The following LAMB4 variants were observed in gnomAD, a reference collection of about 807,000 sequenced individuals.
The protein encoded by LAMB4 is laminin subunit beta-4.
A neutral mutation model predicts 199.2 loss-of-function variants in LAMB4; 196 were observed. That is an observed-to-expected ratio of 0.98 (90% CI 0.88 to 1.11). The LOEUF is 1.11. Ranked by LOEUF, LAMB4 falls within the 50% of genes least tolerant of loss-of-function variation. The pLI is 0.00. For synonymous variants in LAMB4, 744 were observed against 770.6 expected (o/e 0.97, Z 0.57); for missense variants, 2,080 against 2,171.2 (o/e 0.96, Z 0.83).
intron 26 of LAMB4, among the ~76,000 whole-genome samples, chr7:108,050,710 A>G (rs1244517005): frequency 6.6e-6 from 1 of 152,190 alleles, no homozygotes; most frequent in Non-Finnish European, 1.5e-5. Flanking sequence ...CTCTTAATGT[A>G]TCATGCTTTT....
chr7:108,109,242 G>T lies in LAMB4; in HGVS notation c.331C>A (p.Leu111Ile), dbSNP rs750320295. 1.2e-6 allele frequency: 2 copies of T among 1,610,626 alleles called. No individual in the cohort carries two copies. Among genetic ancestry groups the T allele is most frequent in the Non-Finnish European group, 8.5e-7 (1 of 1,177,434 alleles). Residue 111 changes from leucine (L) to isoleucine (I), a missense_variant and splice_region_variant, in exon 5 of 34, where the codon CTT (leucine) becomes ATT (isoleucine). Physicochemically the swap from Leu to Ile is conservative, Grantham distance 5 (BLOSUM62 2). Coordinates refer to ENST00000388781, the MANE Select transcript of LAMB4 (RefSeq NM_007356.3). ...TCCAGTCTGATGCTGACATGATCAA[G>T]ACCTAAGGAAGAATCCAGAAAGAAG... ...EKKWWQSENG[L>I]DHVSIRLDLE...
intron 14 of LAMB4, 31 bp from the exon 15 acceptor site, chr7:108,079,817 G>C: frequency 2.0e-6 from 3 of 1,522,148 alleles, no homozygotes; most frequent in Non-Finnish European, 2.6e-6. Context: ...AAATAGCTTT[G>C]CCTACAGTCA....
chr7:108,105,682 G>T, intron 8 of LAMB4, 135 bp downstream of exon 8: 1 of 741,960 alleles, frequency 1.3e-6, no homozygotes, highest in Non-Finnish European at 2.3e-6. Context: ...AGGATAGGTT[G>T]AATGGTACCC....
chr7:108,063,846 A>T lies in LAMB4; in HGVS notation c.2976T>A (p.Leu992=). 2 of 1,614,206 alleles carry T rather than the reference A, an allele frequency of 1.2e-6. No individual in the cohort carries two copies. Residue 992 remains leucine, a synonymous_variant, in exon 22 of 34, where the codon CTT becomes CTA. Transcript: ENST00000388781. ...ESCSRVTGEC[L]RCLHNTQGAN... is the part of the protein sequence containing the mutation. ...CGCCCTGAGTGTTGTGCAAACATCG[A>T]AGGCACTCCCCTGTTACCCGGCTGC...
chr7:108,091,513 G>T, intron 14 of LAMB4, 113 bp downstream of exon 14: 3 of 1,214,010 alleles, frequency 2.5e-6, no homozygotes, highest in Non-Finnish European at 2.3e-6. Context: ...CTGCATCTTT[G>T]GGCAAAAGCA....
chr7:108,064,584 G>A (rs2036272037), intron 21 of LAMB4, among the ~76,000 whole-genome samples: 1 of 152,152 alleles, frequency 6.6e-6, no homozygotes, highest in Non-Finnish European at 1.5e-5. Context: ...CCAAACTGTG[G>A]CTCCACTCTC....
chr7:108,052,006 G>T, intron 26 of LAMB4, 91 bp downstream of exon 26: 1 of 977,920 alleles, frequency 1.0e-6, no homozygotes. Context: ...AGGCACTATG[G>T]TGGTAAGCAG....
At chr7:108,063,086 C>A in intron 22 of LAMB4, 92 bp from the exon 23 acceptor site, 1 of 714,674 alleles carries the variant, frequency 1.4e-6, no homozygotes, top group African/African-American at 1.8e-5. Context: ...CTGGATGTAT[C>A]ATTTCTCCAA....
chr7:108,104,678 T>A, intron 8 of LAMB4, 59 bp from the exon 9 acceptor site: 1 of 1,581,606 alleles, frequency 6.3e-7, no homozygotes, highest in East Asian at 2.3e-5. Flanking sequence ...ACGTTGGGGT[T>A]CTTTAAATGG....
At chr7:108,032,897 T>C (rs2035090435) in intron 31 of LAMB4, among the ~76,000 whole-genome samples, 1 of 152,218 alleles carries the variant, frequency 6.6e-6, no homozygotes, top group Admixed American at 6.5e-5. Context: ...TGCTGCCTGC[T>C]GTCAAGTTAG....
chr7:108,097,335 C>T (rs915806834), intron 11 of LAMB4, among the ~76,000 whole-genome samples: 1 of 152,188 alleles, frequency 6.6e-6, no homozygotes, highest in African/African-American at 2.4e-5. Flanking sequence ...GATCCTATAG[C>T]TAAGGGTCTG....
chr7:108,043,899 G>C lies in LAMB4; in HGVS notation c.4327-3C>G. 1 of 1,592,812 alleles carries C rather than the reference G, an allele frequency of 6.3e-7. No homozygotes were observed. The highest frequency in any genetic ancestry group is 2.3e-5 in the East Asian group (1 of 43,874). Reference sequence around the variant, plus strand: ...GCCTGTTCACTTATACTTTCGATCTGGAATGAGAAAAACACAATGAAGAAT... The same window carrying C: ...GCCTGTTCACTTATACTTTCGATCTCGAATGAGAAAAACACAATGAAGAAT... On this transcript the variant is annotated splice_region_variant and splice_polypyrimidine_tract_variant and intron_variant, in intron 28 of 33. Transcript: ENST00000388781.
chr7:108,043,814 T>C lies in LAMB4; in HGVS notation c.4409A>G (p.Gln1470Arg), dbSNP rs773517351. 1.5e-5 allele frequency: 24 copies of C among 1,608,036 alleles called. No homozygotes were observed. Among genetic ancestry groups the C allele is most frequent in the Non-Finnish European group, 1.8e-5 (21 of 1,176,010 alleles). The change falls in exon 29 of 34, where the codon CAA (glutamine) becomes CGA (arginine). Residue 1470 changes from glutamine to arginine, a missense_variant. By Grantham distance (43) the Gln-to-Arg change is conservative. Coordinates refer to ENST00000388781, the MANE Select transcript of LAMB4 (RefSeq NM_007356.3). ...LREKLGNIRNQSDSEEENINL... is the reference protein window; with the variant it reads ...LREKLGNIRNRSDSEEENINL... Reference sequence around the variant, plus strand: ...GATGTTTTCTTCTTCAGAGTCACTTTGGTTTCTTATATTTCCCAGTTTTTC... The same window carrying C: ...GATGTTTTCTTCTTCAGAGTCACTTCGGTTTCTTATATTTCCCAGTTTTTC...
intron 31 of LAMB4, 123 bp from the exon 32 acceptor site, chr7:108,031,102 T>G (rs2035014097): frequency 1.6e-6 from 1 of 621,526 alleles, no homozygotes; most frequent in Non-Finnish European, 2.7e-6. Context: ...GTGCCTCCAC[T>G]TTTTCTGTTG....
intron 30 of LAMB4, among the ~76,000 whole-genome samples, chr7:108,035,417 C>G (rs1168170952): frequency 4.0e-5 from 6 of 151,772 alleles, no homozygotes; most frequent in African/African-American, 1.2e-4. Context: ...TGGTGCATGC[C>G]TATAATCCCA....
At chr7:108,051,803 G>A (rs2035835652) in intron 26 of LAMB4, among the ~76,000 whole-genome samples, 1 of 151,898 alleles carries the variant, frequency 6.6e-6, no homozygotes, top group Admixed American at 6.6e-5. Context: ...TTTCTAAGTT[G>A]TTGATTATTC....
chr7:108,021,790 A>G (rs1302740167), downstream of LAMB4, among the ~76,000 whole-genome samples: 1 of 152,190 alleles, frequency 6.6e-6, no homozygotes, highest in Non-Finnish European at 1.5e-5. Flanking sequence ...TATTGATTAC[A>G]TTTAATAGAA....
At chr7:108,100,299 T>C (rs7781016) in intron 10 of LAMB4, among the ~76,000 whole-genome samples, 5,703 of 152,306 alleles carry the variant, frequency 0.037, 340 homozygotes, top group African/African-American at 0.13. Flanking sequence ...AACTTAATTG[T>C]AGAAAACTTA....
intron 10 of LAMB4, among the ~76,000 whole-genome samples, chr7:108,101,514 G>C (rs2037814178): frequency 6.6e-6 from 1 of 152,152 alleles, no homozygotes; most frequent in South Asian, 2.1e-4. Context: ...GAGTTACAAA[G>C]TCTTTTGTCT....
Sources: gnomAD v4.1 joint callset for allele counts (sites outside exome capture counted in the v4.1 genomes callset) on GRCh38, gnomAD v4.1.1 for gene constraint, MANE v1.5 for transcripts, NCBI Gene and HGNC (gene_info 2026-07-23, HGNC 2026-07-21) for gene names.